The following OTOGL variants were observed in gnomAD, a reference collection of about 807,000 sequenced individuals.
The protein encoded by OTOGL is otogelin like.
Under a neutral mutation model 318.5 loss-of-function variants are expected in OTOGL, and 285 were observed. The observed-to-expected ratio is 0.89, with a 90% confidence interval of 0.81 to 0.99. The LOEUF is 0.99. Among genes scored for constraint, OTOGL ranks in the 50% least tolerant of loss-of-function variants. The probability of loss-of-function intolerance (pLI) is 0.00; values close to 1 mark genes in which losing one functional copy is unlikely to be tolerated. For synonymous variants in OTOGL, 987 were observed against 936.5 expected (o/e 1.05, Z -0.99); for missense variants, 2,899 against 2,845.6 (o/e 1.02, Z -0.43).
At chr12:80,365,117 G>A (rs540194618) in intron 52 of OTOGL, among the ~76,000 whole-genome samples, 15 of 152,034 alleles carry the variant, frequency 9.9e-5, no homozygotes, top group African/African-American at 3.6e-4. Flanking sequence ...AGGTAAACAT[G>A]GAGTTATTAT....
At chr12:80,145,407 A>G (rs1872275745) in intron 1 of OTOGL, among the ~76,000 whole-genome samples, 1 of 151,758 alleles carries the variant, frequency 6.6e-6, no homozygotes, top group African/African-American at 2.4e-5. Flanking sequence ...GTTCTGTTCC[A>G]TTGATCTATA....
At chr12:80,257,762 C>G in intron 17 of OTOGL, 63 bp from the exon 18 acceptor site, 1 of 1,332,890 alleles carries the variant, frequency 7.5e-7, no homozygotes, top group Non-Finnish European at 1.0e-6. Flanking sequence ...GTGGTGTACC[C>G]TAGCATTTCA....
rs571909899 is a variant in OTOGL at position 80,352,379 on chromosome 12, G to A, written c.5350G>A (p.Val1784Met). The A allele has an allele frequency of 5.8e-5, 93 of 1,612,422 alleles. No individual in the cohort carries two copies. The South Asian group carries it at 9.5e-4, about 16-fold the overall frequency. The change falls in exon 45 of 59, where the codon GTG (valine) becomes ATG (methionine). Residue 1784 changes from valine to methionine, a missense_variant. Val to Met is a conservative substitution (Grantham distance 21). Around this residue, in one of 3 missense-constraint regions of OTOGL, gnomAD observed 2,607 missense variants for 2,524.9 expected, o/e 1.03. Coordinates refer to ENST00000547103, the MANE Select transcript of OTOGL (RefSeq NM_001378609.3). ...NYECDALSAY[V>M]ALCNKFDICI... ...TGAATGTGATGCACTTTCTGCATAT[G>A]TGGCTCTGTGCAACAAGTTTGATAT...
At chr12:80,328,588 A>G (rs1887852709) in intron 35 of OTOGL, 77 bp from the exon 36 acceptor site, 3 of 1,075,142 alleles carry the variant, frequency 2.8e-6, no homozygotes, top group Non-Finnish European at 2.8e-6. Context: ...TCTTAGTCGC[A>G]TATGTTAAAT....
intron 1 of OTOGL, among the ~76,000 whole-genome samples, chr12:80,110,289 G>T (rs186154696): frequency 1.3e-3 from 205 of 152,146 alleles, no homozygotes; most frequent in African/African-American, 4.6e-3. Context: ...GGATGGTCTC[G>T]ATCTCCTGAC....
chr12:80,210,637 C>T (rs1877175697), intron 2 of OTOGL, among the ~76,000 whole-genome samples: 1 of 152,052 alleles, frequency 6.6e-6, no homozygotes, highest in African/African-American at 2.4e-5. Context: ...TGTGTAAATC[C>T]ATGTACACTG....
At chr12:80,333,843 G>A (rs139027905) in intron 38 of OTOGL, among the ~76,000 whole-genome samples, 28 of 152,226 alleles carry the variant, frequency 1.8e-4, no homozygotes, top group African/African-American at 6.5e-4. Context: ...AAAGTTCCAG[G>A]CAGAGGGACC....
At chr12:80,107,605 A>G (rs1028553668) in intron 1 of OTOGL, among the ~76,000 whole-genome samples, 2 of 152,120 alleles carry the variant, frequency 1.3e-5, no homozygotes, top group African/African-American at 4.8e-5. Context: ...TTGGGTATAC[A>G]CCCGAAAGAA....
At chr12:80,328,940 C>T in intron 36 of OTOGL, 111 bp from the exon 37 acceptor site, 1 of 1,110,038 alleles carries the variant, frequency 9.0e-7, no homozygotes. Context: ...ATCTCTCCTG[C>T]ATTCTTTTTC....
At chr12:80,110,067 C>CTTTTTTTT (rs35589524) in intron 1 of OTOGL, among the ~76,000 whole-genome samples, 18 of 103,738 alleles carry the variant, frequency 1.7e-4, no homozygotes, top group East Asian at 2.6e-4. Flanking sequence ...TTCTTTCTTT[C>CTTTTTTTT]TTTTTTTTTT....
chr12:80,179,540 G>A lies in OTOGL; in HGVS notation c.-19-29873G>A, dbSNP rs530987760. Among the ~76,000 whole-genome samples the A allele has an allele frequency of 2.0e-5, 3 of 152,294 alleles. No homozygotes were observed. In the South Asian group the frequency reaches 6.2e-4, roughly 32 times the overall value. On this transcript the variant is annotated intron_variant, in intron 1 of 58. Transcript: ENST00000547103. ...AAAGAGTGTTATAATGAGGACTTAT[G>A]TCATGGCTTTAGTATGTGCAGAGAC... is the stretch of plus-strand genomic sequence containing the variant.
At chr12:80,187,310 A>G (rs1875360865) in intron 1 of OTOGL, among the ~76,000 whole-genome samples, 1 of 152,068 alleles carries the variant, frequency 6.6e-6, no homozygotes, top group African/African-American at 2.4e-5. Flanking sequence ...GAAGTAAGAA[A>G]AATAGGGCCT....
At chr12:80,208,122 T>C in intron 1 of OTOGL, 2 of 471,378 alleles carry the variant, frequency 4.2e-6, no homozygotes, top group Admixed American at 4.6e-5. Flanking sequence ...TTTAGTGAAA[T>C]TTGGATGTAT....
At chr12:80,189,500 A>G (rs551644861) in intron 1 of OTOGL, 1 of 962,390 alleles carries the variant, frequency 1.0e-6, no homozygotes, top group South Asian at 4.8e-5. Flanking sequence ...TTTAGCAAAA[A>G]TTGTTTAGTA....
chr12:80,329,154 T>C (rs781666230), intron 37 of OTOGL, 35 bp downstream of exon 37: 1 of 1,409,032 alleles, frequency 7.1e-7, no homozygotes, highest in Non-Finnish European at 9.4e-7. Flanking sequence ...AAAGTAGCAC[T>C]ATGTAGTTTA....
chr12:80,259,818 T>C (rs1338165396), intron 18 of OTOGL, among the ~76,000 whole-genome samples: 2 of 152,120 alleles, frequency 1.3e-5, no homozygotes, highest in Non-Finnish European at 2.9e-5. Flanking sequence ...AGTGCTGTAA[T>C]AAAATATATG....
rs1886590080 is a variant in OTOGL, at chr12:80,310,838, C to A, written c.3450+111C>A. ...TGATCCACTGGCTTTTTAGATATACCACCTAACTATTGTTAGGGGGGCATA... is the reference window on the plus strand; with the variant it reads ...TGATCCACTGGCTTTTTAGATATACAACCTAACTATTGTTAGGGGGGCATA... On this transcript the variant is annotated intron_variant, in intron 30 of 58. Transcript: ENST00000547103. 3.9e-6 allele frequency: 3 copies of A among 772,468 alleles called. No homozygotes were observed. In the South Asian group the frequency reaches 6.2e-5, roughly 16 times the overall value. 47.9% of individuals were successfully genotyped at this position (772,468 alleles called of 1,614,324 possible). A position where few individuals can be genotyped will look rare whatever the true frequency, so the allele number is the denominator to read the frequency against.
chr12:80,344,278 G>T (rs562534307), intron 44 of OTOGL, among the ~76,000 whole-genome samples: 44 of 152,242 alleles, frequency 2.9e-4, no homozygotes, highest in African/African-American at 9.9e-4. Flanking sequence ...TTGAAAGGTT[G>T]GTTATATCAG....
intron 32 of OTOGL, among the ~76,000 whole-genome samples, chr12:80,316,057 A>G (rs986974218): frequency 6.6e-6 from 1 of 152,206 alleles, no homozygotes; most frequent in Non-Finnish European, 1.5e-5. Flanking sequence ...GCATTTTGCT[A>G]TTATCAACAC....
Sources: allele counts gnomAD v4.1 joint callset (sites outside exome capture counted in the v4.1 genomes callset), GRCh38; gene constraint gnomAD v4.1.1; regional missense constraint gnomAD v4.1.1; transcripts MANE v1.5; gene names NCBI Gene and HGNC (gene_info 2026-07-23, HGNC 2026-07-21).